Variants in TRPS1 observed in about 807,000 individuals in gnomAD.
The protein encoded by TRPS1 is transcriptional repressor GATA binding 1.
TRPS1 carries 6 observed loss-of-function variants against 101.2 expected under a neutral mutation model. The ratio of observed to expected loss-of-function variants is 0.06; its 90% CI spans 0.03 to 0.12. The LOEUF is 0.12. TRPS1 is among the 10% of genes least tolerant of loss of function. The pLI is 1.00. For missense variants in TRPS1, 1,363 were observed against 1,567.0 expected, an observed-to-expected ratio of 0.87 and a Z score of 2.20; for synonymous variants, 578 against 589.8, an observed-to-expected ratio of 0.98 and a Z score of 0.29.
In TRPS1 at chr8:115,649,119, G is replaced by A. The variant is rs117020946; in HGVS notation, c.-122+19426C>T. 6.9e-3 allele frequency among the ~76,000 whole-genome samples: 1,051 copies of A among 152,204 alleles called. 22 individuals are homozygous for A. Among genetic ancestry groups the A allele is most frequent in the Admixed American group, 0.041 (632 of 15,286 alleles). ...TTTATAACAAGAGACTGCAGATATC[G>A]CTACAGAAAGAATACCGGTTGTATG... On this transcript the variant is annotated intron_variant, in intron 1 of 6. Coordinates refer to ENST00000395715, the MANE Select transcript of TRPS1 (RefSeq NM_014112.5).
chr8:115,434,599 T>A lies in TRPS1; in HGVS notation c.2701-16147A>T, dbSNP rs953628466. 3.3e-5 allele frequency among the ~76,000 whole-genome samples: 5 copies of A among 152,296 alleles called. 1 individual carries two copies. The highest frequency in any genetic ancestry group is 1.2e-4 in the African/African-American group (5 of 41,578). On this transcript the variant is annotated intron_variant, in intron 5 of 6. Transcript: ENST00000395715. ...GTTTAAATGATTGGAATTCCTTTTA[T>A]TAGAGAAATAGTCATTTTTAACTTG...
At chr8:115,547,119 T>C (rs995056233) in intron 5 of TRPS1, among the ~76,000 whole-genome samples, 1 of 152,202 alleles carries the variant, frequency 6.6e-6, no homozygotes, top group Non-Finnish European at 1.5e-5. Flanking sequence ...ATATATCAAA[T>C]GGTATAATTC....
At chr8:115,615,287 T>C (rs924025319) in intron 3 of TRPS1, among the ~76,000 whole-genome samples, 7 of 152,170 alleles carry the variant, frequency 4.6e-5, no homozygotes, top group Non-Finnish European at 8.8e-5. Flanking sequence ...CACTTTCCCG[T>C]GGGAAGCACA....
chr8:115,547,892 C>T (rs1337231218), intron 5 of TRPS1, among the ~76,000 whole-genome samples: 1 of 152,088 alleles, frequency 6.6e-6, no homozygotes, highest in Non-Finnish European at 1.5e-5. Context: ...CTTGTGGCTA[C>T]TCTAAGGATC....
At chr8:115,473,642 A>G (rs1353505860) in intron 5 of TRPS1, among the ~76,000 whole-genome samples, 1 of 152,238 alleles carries the variant, frequency 6.6e-6, no homozygotes, top group African/African-American at 2.4e-5. Flanking sequence ...ATTCAAGATG[A>G]TAGCTGATCT....
At chr8:115,633,415 G>A (rs966370407) in intron 1 of TRPS1, among the ~76,000 whole-genome samples, 2 of 152,086 alleles carry the variant, frequency 1.3e-5, no homozygotes, top group African/African-American at 4.8e-5. Flanking sequence ...ACACACATCT[G>A]TAGATATTAA....
Position 115,538,149 on chromosome 8 carries a change from C to T in TRPS1, c.2700+48852G>A, listed in dbSNP as rs187498497. On this transcript the variant is annotated intron_variant, in intron 5 of 6. Transcript: ENST00000395715. Reference sequence around the variant, plus strand: ...AAACTTTTCATCGTGTGCATTTTCCCGTAATCTCTCAACAGCCAAAGACAA... The same window carrying T: ...AAACTTTTCATCGTGTGCATTTTCCTGTAATCTCTCAACAGCCAAAGACAA... 5.3e-4 allele frequency among the ~76,000 whole-genome samples: 81 copies of T among 152,182 alleles called. 3 individuals are homozygous for T. The highest frequency in any genetic ancestry group is 4.1e-3 in the Admixed American group (62 of 15,278).
chr8:115,503,575 A>G (rs1323046461), intron 5 of TRPS1, among the ~76,000 whole-genome samples: 1 of 152,192 alleles, frequency 6.6e-6, no homozygotes, highest in Admixed American at 6.5e-5. Flanking sequence ...TGAATATACA[A>G]TAAAATTCTG....
intron 5 of TRPS1, among the ~76,000 whole-genome samples, chr8:115,420,257 C>T (rs1813020566): frequency 6.6e-6 from 1 of 152,120 alleles, no homozygotes. Flanking sequence ...CCAGTGAAGG[C>T]CTACTGCAAA....
intron 5 of TRPS1, among the ~76,000 whole-genome samples, chr8:115,421,826 TG>T: frequency 6.6e-6 from 1 of 152,278 alleles, no homozygotes; most frequent in South Asian, 2.1e-4. Context: ...CTGTGTACAA[TG>T]TAACCTGGCA....
intron 1 of TRPS1, among the ~76,000 whole-genome samples, chr8:115,649,707 A>G (rs965326843): frequency 4.6e-5 from 7 of 152,244 alleles, no homozygotes; most frequent in African/African-American, 1.7e-4. Context: ...TTATTACTAC[A>G]CGCAGCTCAT....
intron 1 of TRPS1, among the ~76,000 whole-genome samples, chr8:115,645,777 A>G (rs1183119822): frequency 6.6e-6 from 1 of 152,212 alleles, no homozygotes; most frequent in Non-Finnish European, 1.5e-5. Flanking sequence ...ACAATGTGAA[A>G]AAACAATGCA....
intron 5 of TRPS1, among the ~76,000 whole-genome samples, chr8:115,559,879 C>T (rs1466495356): frequency 1.3e-5 from 2 of 151,922 alleles, no homozygotes; most frequent in Non-Finnish European, 2.9e-5. Context: ...ATGAACTGGC[C>T]TTTTAAGTCT....
intron 5 of TRPS1, among the ~76,000 whole-genome samples, chr8:115,489,133 T>C (rs181801719): frequency 2.7e-3 from 417 of 152,330 alleles, no homozygotes; most frequent in Admixed American, 6.1e-3. Context: ...ATGGAATACA[T>C]ACCTGATCTC....
intron 4 of TRPS1, among the ~76,000 whole-genome samples, chr8:115,598,215 C>T (rs1817831703): frequency 6.6e-6 from 1 of 151,994 alleles, no homozygotes; most frequent in African/African-American, 2.4e-5. Context: ...CATTAGTTAT[C>T]CTTAAATTTT....
intron 5 of TRPS1, among the ~76,000 whole-genome samples, chr8:115,523,616 A>T (rs1184696417): frequency 6.6e-6 from 1 of 152,182 alleles, no homozygotes; most frequent in Non-Finnish European, 1.5e-5. Context: ...ACTGCTGATT[A>T]ATCCCTAAAT....
At position 115,412,217 on chromosome 8, in the gene TRPS1, C is replaced by A. The variant is rs1187201622; in HGVS notation, c.*1806G>T. On this transcript the variant is annotated 3_prime_UTR_variant, in exon 7 of 7. Coordinates refer to ENST00000395715, the MANE Select transcript of TRPS1 (RefSeq NM_014112.5). The stretch of plus-strand genomic sequence containing the variant: ...GTACTTGGAATGAATAAGTGCTACC[C>A]TTTTTTTCCTAAGTAGGCATAAAAA... The A allele has an allele frequency of 6.6e-6, 1 of 152,148 alleles. No individual in the cohort carries two copies. Among genetic ancestry groups the A allele is most frequent in the Non-Finnish European group, 1.5e-5 (1 of 67,898 alleles). The allele number at this position is 152,148 out of a possible 1,614,324, so 9.4% of individuals were successfully genotyped here.
rs544704615 is a variant in TRPS1, at chr8:115,488,920, C to T, written c.2701-70468G>A. Among the ~76,000 whole-genome samples the T allele has an allele frequency of 5.3e-5, 8 of 152,170 alleles. No individual in the cohort carries two copies. In the South Asian group the frequency reaches 6.2e-4, roughly 12 times the overall value. On this transcript the variant is annotated intron_variant, in intron 5 of 6. Transcript: ENST00000395715. ...TTAATATAGTTCAATACTTTCAAAACGTTCTCATAAAAAGTATGTAACATT... is the reference window on the plus strand; with the variant it reads ...TTAATATAGTTCAATACTTTCAAAATGTTCTCATAAAAAGTATGTAACATT...
intron 5 of TRPS1, among the ~76,000 whole-genome samples, chr8:115,450,046 G>T (rs143655230): frequency 1.5e-4 from 22 of 151,538 alleles, no homozygotes; most frequent in Non-Finnish European, 2.4e-4. Context: ...GGAATTTCTT[G>T]CATAAACAAA....
Sources: allele counts gnomAD v4.1 joint callset (sites outside exome capture counted in the v4.1 genomes callset), GRCh38; gene constraint gnomAD v4.1.1; transcripts MANE v1.5; gene names NCBI Gene and HGNC (gene_info 2026-07-23, HGNC 2026-07-21).